Variants in GNL3L observed in about 807,000 individuals in gnomAD.
The protein encoded by GNL3L is guanine nucleotide-binding protein-like 3-like protein.
A neutral mutation model predicts 42.9 loss-of-function variants in GNL3L; 4 were observed. The observed-to-expected ratio is 0.09, with a 90% CI of 0.05 to 0.21. The LOEUF is 0.21. Among genes scored for constraint, GNL3L ranks in the 10% least tolerant of loss-of-function variants. The pLI, the probability that GNL3L is intolerant of heterozygous loss-of-function variation, is 1.00. For missense variants in GNL3L, 412 were observed against 481.7 expected, an observed-to-expected ratio of 0.86 and a Z score of 1.36; for synonymous variants, 159 against 176.3, an observed-to-expected ratio of 0.90 and a Z score of 0.78.
intron 16 of GNL3L, among the ~76,000 whole-genome samples, chrX:54,612,883 G>A (rs1283108431): frequency 1.8e-5 from 2 of 111,277 alleles, no homozygotes; most frequent in African/African-American, 6.5e-5. Flanking sequence ...TCTTAACTTC[G>A]GATAACCTTA....
At chrX:54,637,321 G>A in the GNL3L span, among the ~76,000 whole-genome samples, 3 of 111,599 alleles carry the variant, frequency 2.7e-5, no homozygotes, top group Non-Finnish European at 5.7e-5. Context: ...GTTTCTCTCA[G>A]TAGAATGTTG....
intron 14 of GNL3L, among the ~76,000 whole-genome samples, chrX:54,555,675 T>A (rs1167380214): frequency 1.1e-5 from 1 of 90,755 alleles, no homozygotes; most frequent in African/African-American, 4.4e-5. Flanking sequence ...GAGATGGGGT[T>A]TCACTGTGTT....
At chrX:54,539,742 T>G (rs769617501) in intron 3 of GNL3L, among the ~76,000 whole-genome samples, 1 of 111,742 alleles carries the variant, frequency 8.9e-6, no homozygotes, top group African/African-American at 3.3e-5. Flanking sequence ...ACTGCTGGTC[T>G]GAGGACCACT....
downstream of GNL3L, among the ~76,000 whole-genome samples, chrX:54,623,076 A>G (rs1926307984): frequency 1.8e-5 from 2 of 111,548 alleles, no homozygotes; most frequent in Non-Finnish European, 3.8e-5. Context: ...CCAATGGTCT[A>G]TATGTCTATC....
chrX:54,538,985 A>C, intron 2 of GNL3L, 55 bp from the exon 3 acceptor site: 1 of 741,944 alleles, frequency 1.3e-6, no homozygotes, highest in South Asian at 2.5e-5. Flanking sequence ...TCAGATGTCA[A>C]CAAATATCGT....
At position 54,565,764 on chromosome X, in the gene GNL3L, C is replaced by A. The variant is rs1182375274; in HGVS notation, c.*5162C>A. On this transcript the variant is annotated 3_prime_UTR_variant, in exon 16 of 16. Coordinates refer to ENST00000360845, the MANE Select transcript of GNL3L (RefSeq NM_001184819.2). ...TTTGGCAAGGTGTTCACATCTCTTG[C>A]ATATTTTGGATTGTTTTATTATTTT... Among the ~76,000 whole-genome samples, 1 of 107,835 alleles carries A rather than the reference C, an allele frequency of 9.3e-6. No individual in the cohort carries two copies. Among genetic ancestry groups the A allele is most frequent in the African/African-American group, 3.4e-5 (1 of 29,749 alleles). The allele number at this position is 107,835 out of a possible 115,157, so 93.6% of individuals were successfully genotyped here.
intron 16 of GNL3L, among the ~76,000 whole-genome samples, chrX:54,605,424 C>T (rs966705461): frequency 1.8e-5 from 2 of 111,165 alleles, no homozygotes; most frequent in Non-Finnish European, 3.8e-5. Flanking sequence ...AGCCTAGATC[C>T]GAATTTCACT....
At chrX:54,601,092 T>C (rs1448078178) in intron 16 of GNL3L, among the ~76,000 whole-genome samples, 1 of 111,496 alleles carries the variant, frequency 9.0e-6, no homozygotes, top group East Asian at 2.8e-4. Context: ...AAGAAGGCAG[T>C]CACAGAGGAC....
chrX:54,635,575 A>G, the GNL3L span, among the ~76,000 whole-genome samples: 1 of 110,992 alleles, frequency 9.0e-6, no homozygotes, highest in African/African-American at 3.3e-5. Flanking sequence ...TTCGCTGTTT[A>G]TTTAATTTAT....
intron 16 of GNL3L, among the ~76,000 whole-genome samples, chrX:54,619,461 G>A (rs1193812542): frequency 1.8e-5 from 2 of 110,225 alleles, no homozygotes; most frequent in Admixed American, 9.7e-5. Context: ...AACATTAACT[G>A]CGGGAGTAGG....
intron 16 of GNL3L, among the ~76,000 whole-genome samples, chrX:54,601,965 A>G (rs1209605784): frequency 2.7e-5 from 3 of 112,045 alleles, no homozygotes; most frequent in Non-Finnish European, 5.6e-5. Context: ...TATACATACC[A>G]CAGGTTGTCT....
intron 2 of GNL3L, among the ~76,000 whole-genome samples, chrX:54,537,853 C>G (rs1434656788): frequency 9.0e-6 from 1 of 110,787 alleles, no homozygotes; most frequent in Non-Finnish European, 1.9e-5. Context: ...AAGGGATCCT[C>G]CTACCTTAAC....
At chrX:54,560,006 C>G (rs1402351730) in intron 15 of GNL3L, among the ~76,000 whole-genome samples, 2 of 110,667 alleles carry the variant, frequency 1.8e-5, no homozygotes, top group African/African-American at 6.6e-5. Context: ...AGTGAGGGAA[C>G]CTAACCCAGC....
rs140548191 is a variant in GNL3L, at chrX:54,552,331, C to T, written c.1221C>T (p.His407=). Residue 407 remains histidine (H), a synonymous_variant, in exon 13 of 16, where the codon CAC becomes CAT. Coordinates refer to ENST00000360845, the MANE Select transcript of GNL3L (RefSeq NM_001184819.2). ...TCTATATACCACCACCAGCCACTCACACTCTGCCCACCCATCTCAGTGCTG... is the reference window on the plus strand; with the variant it reads ...TCTATATACCACCACCAGCCACTCATACTCTGCCCACCCATCTCAGTGCTG... ...ISFYIPPPAT[H]TLPTHLSAEI... 36 of 1,204,189 alleles carry T rather than the reference C, an allele frequency of 3.0e-5. No individual in the cohort carries two copies. The African/African-American group carries it at 6.1e-4, about 21-fold the overall frequency.
intron 8 of GNL3L, among the ~76,000 whole-genome samples, chrX:54,548,020 A>G (rs1358401837): frequency 8.9e-6 from 1 of 111,759 alleles, no homozygotes; most frequent in Non-Finnish European, 1.9e-5. Context: ...ACATGTGTCG[A>G]AGCAGACGCA....
intron 16 of GNL3L, among the ~76,000 whole-genome samples, chrX:54,617,955 TC>T (rs1926239802): frequency 8.9e-6 from 1 of 112,115 alleles, no homozygotes; most frequent in African/African-American, 3.2e-5. Context: ...TGGGTCTCTT[TC>T]AGTCTTCTTC....
Position 54,563,995 on chromosome X carries a change from C to T in GNL3L, c.*3393C>T, listed in dbSNP as rs954171424. 2.7e-5 allele frequency among the ~76,000 whole-genome samples: 3 copies of T among 110,811 alleles called. No individual in the cohort carries two copies. The highest frequency in any genetic ancestry group is 9.9e-5 in the African/African-American group (3 of 30,424). ...TACAAACATATACAGGAGTGAACCA[C>T]TACCACAATCGAAATATAGTTGCAT... On this transcript the variant is annotated 3_prime_UTR_variant, in exon 16 of 16. Coordinates refer to ENST00000360845, the MANE Select transcript of GNL3L (RefSeq NM_001184819.2).
At position 54,532,853 on chromosome X, in the gene GNL3L, T is replaced by G. The variant is rs762148395; in HGVS notation, c.19+268T>G. The stretch of plus-strand genomic sequence containing the variant: ...TTTGTATTTTTAGTAGAGACGGAGT[T>G]TCACCATGTTGGCCAGGCTGGTCTC... On this transcript the variant is annotated intron_variant, in intron 2 of 15. Coordinates refer to ENST00000360845, the MANE Select transcript of GNL3L (RefSeq NM_001184819.2). Among the ~76,000 whole-genome samples the G allele has an allele frequency of 2.2e-4, 24 of 111,040 alleles. No homozygotes were observed. In the East Asian group the frequency reaches 6.8e-3, roughly 31 times the overall value.
chrX:54,608,237 A>C (rs1185994866), intron 16 of GNL3L, among the ~76,000 whole-genome samples: 1 of 111,441 alleles, frequency 9.0e-6, no homozygotes, highest in Admixed American at 9.5e-5. Flanking sequence ...CACTTTCCAC[A>C]TGGAGATACA....
Sources: allele counts gnomAD v4.1 joint callset (sites outside exome capture counted in the v4.1 genomes callset), GRCh38; gene constraint gnomAD v4.1.1; transcripts MANE v1.5; gene names NCBI Gene and HGNC (gene_info 2026-07-23, HGNC 2026-07-21).